The following GALNT8 variants were observed in gnomAD, a reference collection of about 807,000 sequenced individuals.
The protein encoded by GALNT8 is polypeptide N-acetylgalactosaminyltransferase 8.
In GALNT8, 66 loss-of-function variants were observed where a neutral mutation model predicts 62.7. The ratio of observed to expected loss-of-function variants is 1.05; its 90% confidence interval spans 0.86 to 1.29. The LOEUF (loss-of-function observed/expected upper bound fraction) is 1.29, where lower values mean the gene tolerates loss of function less well. Among genes scored for constraint, GALNT8 ranks in the 50% most tolerant of loss-of-function variants. The probability of loss-of-function intolerance (pLI) is 0.00; values close to 1 mark genes in which losing one functional copy is unlikely to be tolerated. For missense variants in GALNT8, 771 were observed against 791.8 expected, an observed-to-expected ratio of 0.97 and a Z score of 0.32; for synonymous variants, 288 against 294.3, an observed-to-expected ratio of 0.98 and a Z score of 0.22.
intron 1 of GALNT8, among the ~76,000 whole-genome samples, chr12:4,723,691 A>C (rs1323272139): frequency 6.6e-6 from 1 of 150,598 alleles, no homozygotes; most frequent in South Asian, 2.1e-4. Context: ...TCAGAGACTC[A>C]CTACCACCTG....
At chr12:4,729,960 A>G (rs937973954) in intron 2 of GALNT8, among the ~76,000 whole-genome samples, 1 of 152,090 alleles carries the variant, frequency 6.6e-6, no homozygotes, top group Non-Finnish European at 1.5e-5. Context: ...TTTAATTTGC[A>G]TTTTCCCTGA....
intron 9 of GALNT8, among the ~76,000 whole-genome samples, chr12:4,764,488 G>T (rs1946388623): frequency 6.6e-6 from 1 of 151,000 alleles, no homozygotes. Flanking sequence ...TCCTCCAAGG[G>T]ATGGAAGGGC....
intron 6 of GALNT8, among the ~76,000 whole-genome samples, chr12:4,758,633 T>A (rs1304356982): frequency 0.013 from 1,048 of 79,878 alleles, 15 homozygotes; most frequent in African/African-American, 0.036. Flanking sequence ...TGTGTGTGTG[T>A]GTGTGAGAGA....
intron 9 of GALNT8, among the ~76,000 whole-genome samples, chr12:4,764,662 GC>G (rs1291136462): frequency 6.7e-6 from 1 of 148,386 alleles, no homozygotes; most frequent in Non-Finnish European, 1.5e-5. Context: ...TCCTGCCTCA[GC>G]CTCCCTAGTA....
At chr12:4,751,032 A>T (rs1393211458) in intron 6 of GALNT8, among the ~76,000 whole-genome samples, 1 of 152,210 alleles carries the variant, frequency 6.6e-6, no homozygotes, top group Non-Finnish European at 1.5e-5. Flanking sequence ...TGGGGAAAGG[A>T]TTCCCTATTC....
At chr12:4,748,078 A>G (rs971124361) in intron 6 of GALNT8, among the ~76,000 whole-genome samples, 2 of 151,914 alleles carry the variant, frequency 1.3e-5, no homozygotes, top group Non-Finnish European at 2.9e-5. Context: ...TTAAATTTTT[A>G]CCTATAGAGT....
chr12:4,738,925 T>C (rs1946257695), intron 2 of GALNT8, among the ~76,000 whole-genome samples: 1 of 152,134 alleles, frequency 6.6e-6, no homozygotes, highest in Non-Finnish European at 1.5e-5. Flanking sequence ...AATGTTCCAA[T>C]GGAAACATCT....
At position 4,755,944 on chromosome 12, in the gene GALNT8, A is replaced by G. The variant is rs73264316; in HGVS notation, c.1174-5014A>G. On this transcript the variant is annotated intron_variant, in intron 6 of 10. Transcript: ENST00000252318. The stretch of plus-strand genomic sequence containing the variant: ...GGGGCTCAGGCAAATGTGGGATAGC[A>G]GCTACCTAGGACAGAAAGCTCTTCT... Among the ~76,000 whole-genome samples the G allele has an allele frequency of 7.0e-3, 1,068 of 152,302 alleles. 9 individuals carry two copies. Among genetic ancestry groups the G allele is most frequent in the African/African-American group, 0.024 (1,008 of 41,566 alleles).
intron 2 of GALNT8, among the ~76,000 whole-genome samples, chr12:4,732,190 T>C (rs1008071607): frequency 6.6e-6 from 1 of 152,210 alleles, no homozygotes; most frequent in Non-Finnish European, 1.5e-5. Context: ...TGTATACAAA[T>C]TAGTTTATGT....
intron 10 of GALNT8, among the ~76,000 whole-genome samples, chr12:4,769,304 C>T (rs948070922): frequency 3.9e-5 from 6 of 152,280 alleles, no homozygotes; most frequent in Admixed American, 1.3e-4. Context: ...GAGACTGGCA[C>T]GGCTCCAGAA....
At chr12:4,746,025 G>A (rs954621230) in intron 5 of GALNT8, 119 bp from the exon 6 acceptor site, 48 of 642,762 alleles carry the variant, frequency 7.5e-5, no homozygotes, top group African/African-American at 4.7e-4. Context: ...TTTAGGGAAG[G>A]CCTTCATGAT....
rs1946314781 is a variant in GALNT8 at position 4,749,739 on chromosome 12, A to T, written c.1173+3481A>T. 6.6e-6 allele frequency among the ~76,000 whole-genome samples: 1 copy of T among 151,930 alleles called. No individual in the cohort carries two copies. Among genetic ancestry groups the T allele is most frequent in the South Asian group, 2.1e-4 (1 of 4,826 alleles). ...TTGGAAAAATTTAAGTAGGATTGGT[A>T]CTAGTTTTTCTTTAAATATTCGGTA... On this transcript the variant is annotated intron_variant, in intron 6 of 10. Coordinates refer to ENST00000252318, the MANE Select transcript of GALNT8 (RefSeq NM_017417.2). The surrounding 1 kb of genome is among the most constrained non-coding windows in gnomAD (Gnocchi z 4.1).
chr12:4,761,096 G>A lies in GALNT8; in HGVS notation c.1312G>A (p.Asp438Asn). Residue 438 changes from aspartate to asparagine, a missense_variant, in exon 7 of 11, where the codon GAT (aspartate) becomes AAT (asparagine). By Grantham distance (23) the Asp-to-Asn change is conservative (BLOSUM62 1). Coordinates refer to ENST00000252318, the MANE Select transcript of GALNT8 (RefSeq NM_017417.2). Reference protein sequence around the residue: ...NALRVAEIWMDEHKHMVYLAW... With the variant: ...NALRVAEIWMNEHKHMVYLAW... ...TCTGCGAGTGGCCGAAATCTGGATG[G>A]ATGAGCACAAACACATGGTCTACTT... 1 of 1,614,128 alleles carries A rather than the reference G, an allele frequency of 6.2e-7. No homozygotes were observed. The highest frequency in any genetic ancestry group is 8.5e-7 in the Non-Finnish European group (1 of 1,180,012).
intron 10 of GALNT8, among the ~76,000 whole-genome samples, chr12:4,771,157 T>A (rs1299911102): frequency 1.3e-5 from 2 of 152,150 alleles, no homozygotes; most frequent in Non-Finnish European, 2.9e-5. Flanking sequence ...CGAAGCATGC[T>A]GAGGAGGCCT....
chr12:4,746,192 A>T lies in GALNT8; in HGVS notation c.1107A>T (p.Gly369=). The change falls in exon 6 of 11, where the codon GGA becomes GGT. Residue 369 remains glycine, a synonymous_variant. Coordinates refer to ENST00000252318, the MANE Select transcript of GALNT8 (RefSeq NM_017417.2). ...TGGCTGCTAACAGGCACTTCCTGGG[A>T]GAGATCGGGTCTCTGGATGGTGGAA... ...GILAANRHFL[G]EIGSLDGGML... 1.9e-6 allele frequency: 3 copies of T among 1,613,428 alleles called. No individual in the cohort carries two copies. In the South Asian group the frequency reaches 3.3e-5, roughly 18 times the overall value.
intron 3 of GALNT8, 68 bp downstream of exon 3, chr12:4,739,397 G>C: frequency 7.3e-7 from 1 of 1,374,656 alleles, no homozygotes; most frequent in Non-Finnish European, 1.0e-6. Flanking sequence ...CTGGAAAGAG[G>C]TTTTGGCTTA....
chr12:4,747,854 C>G (rs1326818536), intron 6 of GALNT8, among the ~76,000 whole-genome samples: 1 of 152,026 alleles, frequency 6.6e-6, no homozygotes, highest in East Asian at 1.9e-4. Context: ...ACGAGGGTTC[C>G]CTTTTCTCCA....
intron 6 of GALNT8, among the ~76,000 whole-genome samples, chr12:4,758,631 TGTGTGTGAGAGAGA>T (rs766799992): frequency 0.024 from 2,269 of 92,822 alleles, 30 homozygotes; most frequent in Non-Finnish European, 0.037. Flanking sequence ...TGTGTGTGTG[TGTGTGTGAGAGAGA>T]GAGAGAGAGA....
At chr12:4,758,762 T>A (rs1273056460) in intron 6 of GALNT8, among the ~76,000 whole-genome samples, 1 of 146,012 alleles carries the variant, frequency 6.8e-6, no homozygotes, top group Non-Finnish European at 1.5e-5. Context: ...GGGCATTACT[T>A]CATAAACGGC....
Sources: allele counts gnomAD v4.1 joint callset (sites outside exome capture counted in the v4.1 genomes callset), GRCh38; gene constraint gnomAD v4.1.1; non-coding constraint Gnocchi (gnomAD v3.1); transcripts MANE v1.5; gene names NCBI Gene and HGNC (gene_info 2026-07-23, HGNC 2026-07-21).